Variants in VDR observed in about 807,000 individuals in gnomAD.
The protein encoded by VDR is vitamin D receptor, also known as vitamin D3 receptor.
In VDR, 19 loss-of-function variants were observed where a neutral mutation model predicts 39.7. That is an observed-to-expected ratio of 0.48 (90% CI 0.33 to 0.70). VDR has a LOEUF of 0.70. Among genes scored for constraint, VDR ranks in the 30% least tolerant of loss-of-function variants. The probability of loss-of-function intolerance (pLI) is 0.02; values close to 1 mark genes in which losing one functional copy is unlikely to be tolerated. For missense variants in VDR, 442 were observed against 570.5 expected (o/e 0.77, Z 2.29); for synonymous variants, 242 against 215.8 (o/e 1.12, Z -1.07).
intron 3 of VDR, among the ~76,000 whole-genome samples, chr12:47,875,522 G>A (rs1270459988): frequency 6.6e-6 from 1 of 152,070 alleles, no homozygotes; most frequent in Non-Finnish European, 1.5e-5. Flanking sequence ...GTGACCACAG[G>A]GTTCTCAAGC....
At chr12:47,878,728 AC>A in intron 3 of VDR, 1 of 656,534 alleles carries the variant, frequency 1.5e-6, no homozygotes, top group Non-Finnish European at 2.7e-6. Context: ...AAAGACAGAG[AC>A]CCACACAGCA....
In VDR at chr12:47,846,468, C is replaced by G. The variant is rs1945282483; in HGVS notation, c.908-17G>C. 6.4e-7 allele frequency: 1 copy of G among 1,559,988 alleles called. No individual in the cohort carries two copies. The highest frequency in any genetic ancestry group is 1.4e-5 in the African/African-American group (1 of 73,572). Reference sequence around the variant, plus strand: ...TGTGTCCGGCTGTGAGAGACAATGGCCAGGTACTGCGGGCAGAGCTGAGGA... The same window carrying G: ...TGTGTCCGGCTGTGAGAGACAATGGGCAGGTACTGCGGGCAGAGCTGAGGA... On this transcript the variant is annotated splice_polypyrimidine_tract_variant and intron_variant, in intron 8 of 9. Transcript: ENST00000549336.
intron 4 of VDR, among the ~76,000 whole-genome samples, chr12:47,859,233 T>A (rs1030701166): frequency 6.6e-6 from 1 of 152,194 alleles, no homozygotes; most frequent in African/African-American, 2.4e-5. Context: ...CACCATGGTG[T>A]CTACAGGCAC....
At chr12:47,883,121 C>T (rs1946191274) in intron 1 of VDR, among the ~76,000 whole-genome samples, 1 of 152,154 alleles carries the variant, frequency 6.6e-6, no homozygotes, top group Non-Finnish European at 1.5e-5. Flanking sequence ...AGGGCCTTTT[C>T]GTTAGGGAGA....
chr12:47,873,344 C>T (rs1239360886), intron 3 of VDR, among the ~76,000 whole-genome samples: 2 of 121,024 alleles, frequency 1.7e-5, no homozygotes, highest in Non-Finnish European at 3.4e-5. Flanking sequence ...TCAATTAAAC[C>T]TGTTTTCTTT....
At chr12:47,894,204 T>C (rs1271952144) in intron 1 of VDR, among the ~76,000 whole-genome samples, 1 of 152,202 alleles carries the variant, frequency 6.6e-6, no homozygotes, top group East Asian at 1.9e-4. Context: ...TCAGGGTCCC[T>C]AGAGGAGCAA....
At chr12:47,904,028 G>A (rs1565642341) in intron 1 of VDR, among the ~76,000 whole-genome samples, 1 of 151,978 alleles carries the variant, frequency 6.6e-6, no homozygotes, top group Non-Finnish European at 1.5e-5. Flanking sequence ...CTGGGCTCTG[G>A]CCCCTTTGGC....
intron 7 of VDR, among the ~76,000 whole-genome samples, chr12:47,847,428 C>T (rs1945301527): frequency 6.6e-6 from 1 of 152,150 alleles, no homozygotes; most frequent in South Asian, 2.1e-4. Flanking sequence ...TCTTCACTGA[C>T]TCTCAAACAC....
intron 1 of VDR, among the ~76,000 whole-genome samples, chr12:47,904,075 C>T (rs981179169): frequency 5.3e-5 from 8 of 150,066 alleles, no homozygotes; most frequent in African/African-American, 1.5e-4. Context: ...ACTCACTCAC[C>T]GCACGCATAG....
intron 4 of VDR, among the ~76,000 whole-genome samples, chr12:47,864,247 G>T (rs974005463): frequency 1.1e-4 from 16 of 152,246 alleles, no homozygotes; most frequent in Admixed American, 5.9e-4. Flanking sequence ...AGCATCTACT[G>T]AATTCAATGC....
At chr12:47,878,172 A>G (rs1946046083) in intron 3 of VDR, among the ~76,000 whole-genome samples, 1 of 152,216 alleles carries the variant, frequency 6.6e-6, no homozygotes, top group South Asian at 2.1e-4. Flanking sequence ...CTAGACCGCT[A>G]GACAGAAGAT....
At chr12:47,890,618 C>T (rs1946352801) in intron 1 of VDR, among the ~76,000 whole-genome samples, 1 of 151,994 alleles carries the variant, frequency 6.6e-6, no homozygotes, top group African/African-American at 2.4e-5. Context: ...TATGGCTTAG[C>T]ACGGTTCCTC....
At chr12:47,882,082 G>A (rs1946160864) in intron 2 of VDR, among the ~76,000 whole-genome samples, 1 of 152,212 alleles carries the variant, frequency 6.6e-6, no homozygotes, top group Non-Finnish European at 1.5e-5. Context: ...ATGCTATGAT[G>A]CAAGCGAGTG....
At chr12:47,864,057 C>T (rs1592115733) in intron 4 of VDR, among the ~76,000 whole-genome samples, 1 of 152,206 alleles carries the variant, frequency 6.6e-6, no homozygotes, top group African/African-American at 2.4e-5. Context: ...GACTCCGACT[C>T]CGATTCCTCA....
chr12:47,894,496 C>G (rs1946429111), intron 1 of VDR, among the ~76,000 whole-genome samples: 1 of 152,184 alleles, frequency 6.6e-6, no homozygotes, highest in Admixed American at 6.5e-5. Context: ...CAGGTAGCAT[C>G]CTAGGGAGGA....
chr12:47,896,635 A>G lies in VDR; in HGVS notation c.-84+8320T>C, dbSNP rs565525811. ...CCAAACCTTCGGGGGGCTTTGCTAA[A>G]AGACACCCAACCTCGAATTAGTTCC... On this transcript the variant is annotated intron_variant, in intron 1 of 9. Transcript: ENST00000549336. 4 of 152,246 alleles carry G rather than the reference A, an allele frequency of 2.6e-5. No homozygotes were observed. The South Asian group carries it at 8.3e-4, about 32-fold the overall frequency. 9.4% of individuals were successfully genotyped at this position (152,246 alleles called of 1,614,324 possible).
chr12:47,882,622 T>TGG, intron 2 of VDR, 72 bp downstream of exon 2: 2 of 603,850 alleles, frequency 3.3e-6, no homozygotes, highest in South Asian at 1.7e-5. Flanking sequence ...CACCTTCTTA[T>TGG]GCCCCTCCCC....
At chr12:47,845,250 C>T (rs2137119989) in intron 9 of VDR, among the ~76,000 whole-genome samples, 1 of 152,100 alleles carries the variant, frequency 6.6e-6, no homozygotes, top group South Asian at 2.1e-4. Flanking sequence ...CCTGGCCTTG[C>T]TCCCTGTCCA....
At position 47,904,578 on chromosome 12, in the gene VDR, G is replaced by T. The variant is rs1244054601; in HGVS notation, c.-84+377C>A. ...AGGTTACACACCCTCCACTCCAGCA[G>T]TTCTGAGCACCATCGACAGCCAATC... On this transcript the variant is annotated intron_variant, in intron 1 of 9. Transcript: ENST00000549336. 2.6e-6 allele frequency: 4 copies of T among 1,535,132 alleles called. No individual in the cohort carries two copies. In the South Asian group the frequency reaches 4.8e-5, roughly 18 times the overall value.
Sources: gnomAD v4.1 joint callset for allele counts (sites outside exome capture counted in the v4.1 genomes callset) on GRCh38, gnomAD v4.1.1 for gene constraint, MANE v1.5 for transcripts, NCBI Gene and HGNC (gene_info 2026-07-23, HGNC 2026-07-21) for gene names.